Variants in TPM1 observed in about 807,000 individuals in gnomAD.
The protein encoded by TPM1 is tropomyosin alpha-1 chain.
TPM1 carries 24 observed loss-of-function variants against 42.9 expected under a neutral mutation model. That is an observed-to-expected ratio of 0.56 (90% CI 0.41 to 0.79). TPM1 has a LOEUF of 0.79. Ranked by LOEUF, TPM1 falls within the 30% of genes least tolerant of loss-of-function variation. The pLI is 0.00. For synonymous variants in TPM1, 136 were observed against 130.1 expected, an observed-to-expected ratio of 1.05 and a Z score of -0.31; for missense variants, 158 against 351.8, an observed-to-expected ratio of 0.45 and a Z score of 4.41.
downstream of TPM1, among the ~76,000 whole-genome samples, chr15:63,067,786 GGCCAAA>G (rs560812620): frequency 5.3e-5 from 8 of 152,258 alleles, no homozygotes; most frequent in South Asian, 1.0e-3. Flanking sequence ...TGCTCTGGTG[GGCCAAA>G]CCAAAAGCAT....
chr15:63,069,291 G>T (rs981847478), downstream of TPM1, among the ~76,000 whole-genome samples: 2 of 152,192 alleles, frequency 1.3e-5, no homozygotes, highest in African/African-American at 2.4e-5. Context: ...GTGGTGACTG[G>T]GGGAAGGACA....
chr15:63,070,488 A>T (rs1035027147), downstream of TPM1: 4 of 995,212 alleles, frequency 4.0e-6, no homozygotes, highest in African/African-American at 7.0e-5. Context: ...ACTCAGTCTA[A>T]TGGTGCTGTT....
At chr15:63,043,627 C>A in intron 1 of TPM1, 1 of 1,532,344 alleles carries the variant, frequency 6.5e-7, no homozygotes, top group Non-Finnish European at 8.7e-7. Flanking sequence ...GGGCCCCAGC[C>A]AACCCGACGC....
chr15:63,043,864 G>A (rs1390507539), intron 1 of TPM1, 163 bp from the exon 2 acceptor site: 1 of 1,549,596 alleles, frequency 6.5e-7, no homozygotes, highest in Admixed American at 2.0e-5. Flanking sequence ...CGTGGCGCAC[G>A]AATGGCTAAC....
In TPM1 at chr15:63,062,689, A is replaced by T. The variant is rs753045789; in HGVS notation, c.772+44A>T. 6 of 1,614,104 alleles carry T rather than the reference A, an allele frequency of 3.7e-6. No homozygotes were observed. The South Asian group carries it at 6.6e-5, about 18-fold the overall frequency. On this transcript the variant is annotated intron_variant, in intron 8 of 9. Coordinates refer to ENST00000403994, the MANE Select transcript of TPM1 (RefSeq NM_001018005.2). ...TTTTTAGTTTAATCCTTATGGTTGA[A>T]TACCAACCTGGCAAAACAATTTTCC... is the stretch of plus-strand genomic sequence containing the variant.
rs542308938 is a variant in TPM1 at position 63,057,873 on chromosome 15, G to A, written c.374+755G>A. ...AGTACTTCAAGAGAGACTCCATGAG[G>A]TGAGAGAGCGTTCTGCCGCTTGAGG... On this transcript the variant is annotated intron_variant, in intron 3 of 9. Coordinates refer to ENST00000403994, the MANE Select transcript of TPM1 (RefSeq NM_001018005.2). Among the ~76,000 whole-genome samples the A allele has an allele frequency of 8.5e-5, 13 of 152,334 alleles. No homozygotes were observed. The Middle Eastern group carries it at 0.014, about 159-fold the overall frequency.
chr15:63,044,629 C>T (rs2140638690), intron 2 of TPM1: 1 of 260,552 alleles, frequency 3.8e-6, no homozygotes, highest in Non-Finnish European at 7.4e-6. Context: ...CACAGCGGTA[C>T]CTTTACTTAG....
chr15:63,058,901 G>A (rs2035201140), intron 3 of TPM1, among the ~76,000 whole-genome samples: 1 of 152,164 alleles, frequency 6.6e-6, no homozygotes, highest in Admixed American at 6.5e-5. Context: ...AATACACTCA[G>A]TGTAGAGGAC....
At chr15:63,066,258 A>G (rs1028942775), downstream of TPM1, 3 of 1,104,832 alleles carry the variant, frequency 2.7e-6, no homozygotes, top group Admixed American at 8.8e-5. Flanking sequence ...TTTCTAAAGC[A>G]GTAGTTCCTT....
At chr15:63,062,842 A>G (rs1396441969) in intron 8 of TPM1, 197 bp downstream of exon 8, 2 of 1,528,282 alleles carry the variant, frequency 1.3e-6, no homozygotes. Flanking sequence ...GTGACTAGTT[A>G]GCCACCAGCC....
chr15:63,047,423 C>G (rs900109833), intron 2 of TPM1: 4 of 152,212 alleles, frequency 2.6e-5, no homozygotes, highest in African/African-American at 9.7e-5. Flanking sequence ...GAATACAGCT[C>G]AAGGGGGAAA....
chr15:63,070,306 A>ATATATGTGTGTGTGTGTGTG (rs58377224), downstream of TPM1: 1 of 650,404 alleles, frequency 1.5e-6, no homozygotes, highest in African/African-American at 2.0e-5. Context: ...ATATATATAT[A>ATATATGTGTGTGTGTGTGTG]TGTGTGTGTG....
At chr15:63,046,923 T>C (rs758321548) in intron 2 of TPM1, 11 of 152,120 alleles carry the variant, frequency 7.2e-5, no homozygotes, top group Non-Finnish European at 1.5e-4. Flanking sequence ...ATGAGAAAAC[T>C]CTCCTAAACT....
At position 63,064,059 on chromosome 15, in the gene TPM1, C is replaced by A; in HGVS notation, c.773-5C>A. Reference sequence around the variant, plus strand: ...GCACCTCTGCCTTCCACTTCCTGGTCATAGACGAGCTGTACGCTCAGAAAC... The same window carrying A: ...GCACCTCTGCCTTCCACTTCCTGGTAATAGACGAGCTGTACGCTCAGAAAC... On this transcript the variant is annotated splice_polypyrimidine_tract_variant and splice_region_variant and intron_variant, in intron 8 of 9. Transcript: ENST00000403994. The A allele has an allele frequency of 6.2e-7, 1 of 1,613,916 alleles. No individual in the cohort carries two copies. The highest frequency in any genetic ancestry group is 1.1e-5 in the South Asian group (1 of 91,016).
chr15:63,068,520 A>G (rs2036411914), downstream of TPM1, among the ~76,000 whole-genome samples: 1 of 152,234 alleles, frequency 6.6e-6, no homozygotes, highest in Admixed American at 6.5e-5. Flanking sequence ...GTCTCCTGAC[A>G]GACCCGGGGG....
chr15:63,063,433 T>C (rs998069585), intron 8 of TPM1: 78 of 948,178 alleles, frequency 8.2e-5, no homozygotes, highest in South Asian at 4.9e-5. Flanking sequence ...AGACTTGCCA[T>C]ATAAAGTGTG....
chr15:63,063,174 A>G (rs529076885), intron 8 of TPM1: 1 of 985,348 alleles, frequency 1.0e-6, no homozygotes, highest in East Asian at 1.1e-4. Flanking sequence ...CTTAGGTTTT[A>G]TTTTAGTAAT....
At chr15:63,045,175 T>A (rs1027410053) in intron 2 of TPM1, 1 of 152,178 alleles carries the variant, frequency 6.6e-6, no homozygotes. Flanking sequence ...CAGACTTTTT[T>A]ATATGAAAGT....
At chr15:63,064,285 T>TTCATTG (rs1195119330) in intron 9 of TPM1, 143 bp downstream of exon 9, 1 of 1,529,340 alleles carries the variant, frequency 6.5e-7, no homozygotes, top group African/African-American at 1.4e-5. Flanking sequence ...ATAGTCATTG[T>TTCATTG]TTTTTCACTT....
Sources: gnomAD v4.1 joint callset for allele counts (sites outside exome capture counted in the v4.1 genomes callset) on GRCh38, gnomAD v4.1.1 for gene constraint, MANE v1.5 for transcripts, NCBI Gene and HGNC (gene_info 2026-07-23, HGNC 2026-07-21) for gene names.